The following MYO16 variants were observed in gnomAD, a reference collection of about 807,000 sequenced individuals.
MYO16 encodes the protein myosin XVI.
A neutral mutation model predicts 205.3 loss-of-function variants in MYO16; 94 were observed. The observed-to-expected ratio is 0.46, with a 90% confidence interval of 0.39 to 0.54. The LOEUF (loss-of-function observed/expected upper bound fraction) is 0.54. Among genes scored for constraint, MYO16 ranks in the 20% least tolerant of loss-of-function variants. The pLI is 0.00. For missense variants in MYO16, 2,315 were observed against 2,387.5 expected (o/e 0.97, Z 0.63); for synonymous variants, 988 against 954.0 (o/e 1.04, Z -0.66).
At chr13:108,581,221 A>G in the MYO16 span, among the ~76,000 whole-genome samples, 8 of 152,224 alleles carry the variant, frequency 5.3e-5, no homozygotes, top group East Asian at 1.5e-3. Context: ...CTAAAGTCAT[A>G]TAGCAAAAAG....
chr13:108,588,755 C>T, the MYO16 span, among the ~76,000 whole-genome samples: 5 of 151,864 alleles, frequency 3.3e-5, no homozygotes, highest in Admixed American at 2.6e-4. Flanking sequence ...TAGTGAGAGG[C>T]CTTGGACATC....
the MYO16 span, among the ~76,000 whole-genome samples, chr13:108,585,204 C>A: frequency 6.6e-6 from 1 of 152,188 alleles, no homozygotes; most frequent in African/African-American, 2.4e-5. Context: ...TGAGAACATG[C>A]ACCCAAGGTG....
In MYO16 at chr13:108,800,475, G is replaced by A. The variant is rs112002401; in HGVS notation, c.742-6204G>A. Among the ~76,000 whole-genome samples, 1,492 of 152,140 alleles carry A rather than the reference G, an allele frequency of 9.8e-3. 27 individuals carry two copies. Among genetic ancestry groups the A allele is most frequent in the African/African-American group, 0.034 (1,394 of 41,486 alleles). ...TCTGACCTAGTGTGCCCTCAGTCTC[G>A]AGGTAGAGTTCAAAAGTCATCTGAG... On this transcript the variant is annotated intron_variant, in intron 6 of 34. Transcript: ENST00000457511.
chr13:109,173,322 A>G (rs558835152), intron 33 of MYO16, among the ~76,000 whole-genome samples: 2 of 152,232 alleles, frequency 1.3e-5, no homozygotes, highest in Non-Finnish European at 2.9e-5. Context: ...AGTCAGCAAT[A>G]ATGTCAAATG....
chr13:109,117,083 A>C (rs1418431618), intron 28 of MYO16, among the ~76,000 whole-genome samples: 2 of 151,734 alleles, frequency 1.3e-5, no homozygotes, highest in Non-Finnish European at 2.9e-5. Context: ...TTTTCCTTTT[A>C]TTTCCTCCAT....
Position 109,046,858 on chromosome 13 carries a change from A to T in MYO16, c.2797-58A>T, listed in dbSNP as rs555343802. On this transcript the variant is annotated intron_variant, in intron 23 of 34. Transcript: ENST00000457511. ...CTGGGTCAAGTTATCCTTTAAAGGA[A>T]TTTATTTTCACAGTCATGTTGAATC... is the stretch of plus-strand genomic sequence containing the variant. 3.7e-5 allele frequency: 52 copies of T among 1,406,620 alleles called. 1 individual carries two copies. In the African/African-American group the frequency reaches 6.3e-4, roughly 17 times the overall value. 87.1% of individuals were successfully genotyped at this position (1,406,620 alleles called of 1,614,324 possible).
At chr13:108,761,255 C>A (rs1362172394) in intron 4 of MYO16, among the ~76,000 whole-genome samples, 1 of 152,174 alleles carries the variant, frequency 6.6e-6, no homozygotes, top group Non-Finnish European at 1.5e-5. Context: ...TGACCTTGAC[C>A]CTTCCCAAAA....
At chr13:108,552,151 C>T in the MYO16 span, among the ~76,000 whole-genome samples, 4 of 152,146 alleles carry the variant, frequency 2.6e-5, no homozygotes, top group Non-Finnish European at 5.9e-5. Context: ...CATGCTTCCT[C>T]TATGGGAGAG....
rs559565678 is a variant in MYO16, at chr13:108,847,523, G to T, written c.1248+3030G>T. The stretch of plus-strand genomic sequence containing the variant: ...CCAAAACACTTTTCAAAGCCATAAA[G>T]CTCTAATTAACATTTTAGAGATAAA... On this transcript the variant is annotated intron_variant, in intron 10 of 34. Transcript: ENST00000457511. 3.3e-3 allele frequency among the ~76,000 whole-genome samples: 502 copies of T among 152,128 alleles called. 2 individuals are homozygous for T. Among genetic ancestry groups the T allele is most frequent in the African/African-American group, 0.011 (450 of 41,492 alleles).
intron 16 of MYO16, among the ~76,000 whole-genome samples, chr13:108,952,008 G>T (rs1321811642): frequency 1.3e-5 from 2 of 152,022 alleles, no homozygotes; most frequent in African/African-American, 4.8e-5. Flanking sequence ...CCACTCAGGA[G>T]ACTGAGACAG....
At chr13:108,950,218 T>C (rs1180498687) in intron 16 of MYO16, among the ~76,000 whole-genome samples, 1 of 150,586 alleles carries the variant, frequency 6.6e-6, no homozygotes, top group African/African-American at 2.5e-5. Flanking sequence ...AAAACTCTTA[T>C]TCAGAAGACT....
intron 32 of MYO16, among the ~76,000 whole-genome samples, chr13:109,157,814 C>T (rs1210357621): frequency 1.3e-5 from 2 of 152,176 alleles, no homozygotes; most frequent in Non-Finnish European, 2.9e-5. Context: ...CACAGTGATG[C>T]GTCAGATTCT....
At chr13:109,206,306 A>G (rs1044469619) in intron 34 of MYO16, among the ~76,000 whole-genome samples, 2 of 152,222 alleles carry the variant, frequency 1.3e-5, no homozygotes, top group Non-Finnish European at 2.9e-5. Flanking sequence ...GAATGTACAC[A>G]GTAATCGAGG....
At chr13:109,098,437 A>G (rs1467926635) in intron 27 of MYO16, among the ~76,000 whole-genome samples, 1 of 152,136 alleles carries the variant, frequency 6.6e-6, no homozygotes, top group Non-Finnish European at 1.5e-5. Flanking sequence ...CGAGGTGCTT[A>G]AAGAGGTGGT....
At chr13:109,019,973 G>A in intron 23 of MYO16, 62 bp downstream of exon 23, 1 of 1,493,826 alleles carries the variant, frequency 6.7e-7, no homozygotes, top group Non-Finnish European at 9.2e-7. Flanking sequence ...CTTGGGACAA[G>A]CTCTAGAGTT....
At chr13:108,540,487 G>A in the MYO16 span, among the ~76,000 whole-genome samples, 2 of 152,070 alleles carry the variant, frequency 1.3e-5, no homozygotes, top group East Asian at 3.9e-4. Context: ...GGAACACACT[G>A]AGTGATTGTA....
At chr13:108,962,312 CA>C in intron 18 of MYO16, 111 bp from the exon 19 acceptor site, 1 of 746,296 alleles carries the variant, frequency 1.3e-6, no homozygotes, top group Middle Eastern at 2.7e-4. Context: ...TTAAAATACT[CA>C]TGTTTTGTAA....
At chr13:108,830,569 A>G (rs913438050) in intron 9 of MYO16, among the ~76,000 whole-genome samples, 1 of 137,148 alleles carries the variant, frequency 7.3e-6, no homozygotes, top group Non-Finnish European at 1.5e-5. Flanking sequence ...ATGAGAACAC[A>G]TGGACACAGG....
chr13:108,569,068 G>A, the MYO16 span, among the ~76,000 whole-genome samples: 17 of 151,952 alleles, frequency 1.1e-4, no homozygotes, highest in African/African-American at 4.1e-4. Context: ...ATTGTAGCAT[G>A]CAGTAAGTTT....
Sources: gnomAD v4.1 joint callset for allele counts (sites outside exome capture counted in the v4.1 genomes callset) on GRCh38, gnomAD v4.1.1 for gene constraint, MANE v1.5 for transcripts, NCBI Gene and HGNC (gene_info 2026-07-23, HGNC 2026-07-21) for gene names.